RHOF: variants seen among roughly 807,000 people sequenced by gnomAD.
The protein encoded by RHOF is rho-related GTP-binding protein RhoF.
In RHOF, 21 loss-of-function variants were observed where a neutral mutation model predicts 22.2. That is an observed-to-expected ratio of 0.95 (90% CI 0.67 to 1.36). The LOEUF is 1.36. RHOF is among the 40% of genes most tolerant of loss of function. The pLI, the probability that RHOF is intolerant of heterozygous loss-of-function variation, is 0.00. For synonymous variants in RHOF, 135 were observed against 131.2 expected (o/e 1.03, Z -0.20); for missense variants, 285 against 293.7 (o/e 0.97, Z 0.22).
rs925980735 is a variant in RHOF, at chr12:121,793,168, G to A, written c.210C>T (p.Asn70=). The A allele has an allele frequency of 1.9e-6, 3 of 1,550,344 alleles. No individual in the cohort carries two copies. Among genetic ancestry groups the A allele is most frequent in the Non-Finnish European group, 1.7e-6 (2 of 1,146,812 alleles). ...CGCACTCACCGGCCGTGTCGTAGAG[G>A]TTCAGGGTCACCTCCTTGCTGCCAA... is the stretch of plus-strand genomic sequence containing the variant. ...VTVGSKEVTL[N]LYDTAGQEDY... is the part of the protein sequence containing the mutation. Residue 70 remains asparagine (N), a synonymous_variant, in exon 2 of 5, where the codon AAC becomes AAT. Coordinates refer to ENST00000267205, the MANE Select transcript of RHOF (RefSeq NM_019034.3).
intron 2 of RHOF, among the ~76,000 whole-genome samples, 158 bp downstream of exon 2, chr12:121,792,994 G>A (rs1592960472): frequency 6.6e-6 from 1 of 152,246 alleles, no homozygotes; most frequent in African/African-American, 2.4e-5. Flanking sequence ...GGCCTCTAGG[G>A]CCCCGCAGCC....
At chr12:121,792,126 C>T (rs1874781219) in intron 2 of RHOF, among the ~76,000 whole-genome samples, 1 of 133,050 alleles carries the variant, frequency 7.5e-6, no homozygotes, top group Non-Finnish European at 1.5e-5. Flanking sequence ...TAGGACAGCC[C>T]CTTTTCGGGT....
intron 2 of RHOF, among the ~76,000 whole-genome samples, chr12:121,783,169 C>CA (rs1874517688): frequency 6.6e-6 from 1 of 151,460 alleles, no homozygotes; most frequent in African/African-American, 2.4e-5. Flanking sequence ...ACACCATCCT[C>CA]ATCTAAGTCC....
chr12:121,790,239 A>G (rs1874729275), intron 2 of RHOF, among the ~76,000 whole-genome samples: 1 of 152,226 alleles, frequency 6.6e-6, no homozygotes, highest in Non-Finnish European at 1.5e-5. Flanking sequence ...GGAGAAATTC[A>G]GCCTCTGAGA....
intron 2 of RHOF, among the ~76,000 whole-genome samples, chr12:121,791,878 C>T (rs771485450): frequency 3.9e-5 from 6 of 152,300 alleles, no homozygotes; most frequent in Non-Finnish European, 7.3e-5. Context: ...AATGACCTTG[C>T]CCCTCCCTGG....
chr12:121,781,225 G>C, intron 2 of RHOF, 33 bp from the exon 3 acceptor site: 1 of 1,589,854 alleles, frequency 6.3e-7, no homozygotes, highest in Non-Finnish European at 8.6e-7. Flanking sequence ...GTCAGGGGAC[G>C]TCCCCTCCCT....
chr12:121,781,872 C>A (rs1311078893), intron 2 of RHOF: 2 of 151,622 alleles, frequency 1.3e-5, no homozygotes, highest in Admixed American at 1.3e-4. Flanking sequence ...ATTCACAGAG[C>A]ACACTCCCTG....
In RHOF at chr12:121,778,450, C is replaced by CAA. The variant is rs35474958; in HGVS notation, c.*1046_*1047dup. On this transcript the variant is annotated 3_prime_UTR_variant, in exon 5 of 5. Transcript: ENST00000267205. The stretch of plus-strand genomic sequence containing the variant: ...TGAGTGACAGAATGAGACTCTGTCC[C>CAA]AAAAAAAAAAAAAAAAAAAAATTCC... 0.22 allele frequency: 19,668 copies of CAA among 90,444 alleles called. 2,275 individuals carry two copies. The highest frequency in any genetic ancestry group is 0.41 in the African/African-American group (10,613 of 25,784). 5.6% of individuals were successfully genotyped at this position (90,444 alleles called of 1,614,324 possible).
intron 2 of RHOF, among the ~76,000 whole-genome samples, chr12:121,788,751 C>T (rs1205373148): frequency 1.3e-5 from 2 of 152,064 alleles, no homozygotes. Context: ...AAGGTGAAAG[C>T]CCAGGAGAAG....
intron 2 of RHOF, chr12:121,782,381 G>A (rs1055835005): frequency 6.6e-6 from 1 of 152,114 alleles, no homozygotes; most frequent in Non-Finnish European, 1.5e-5. Flanking sequence ...ACTGCACTTA[G>A]TCATCCTGCC....
At chr12:121,789,447 C>T (rs1874705506) in intron 2 of RHOF, among the ~76,000 whole-genome samples, 1 of 152,124 alleles carries the variant, frequency 6.6e-6, no homozygotes, top group Non-Finnish European at 1.5e-5. Flanking sequence ...GTCCTGCTTC[C>T]AGGGACAGGG....
intron 2 of RHOF, among the ~76,000 whole-genome samples, chr12:121,785,499 T>C (rs1455782876): frequency 6.7e-6 from 1 of 149,414 alleles, no homozygotes; most frequent in African/African-American, 2.5e-5. Flanking sequence ...CGATCTCAGC[T>C]CACTGTAAGC....
At position 121,778,862 on chromosome 12, in the gene RHOF, A is replaced by G. The variant is rs1874335274; in HGVS notation, c.*636T>C. ...GATGGGTGGTCCAGGGTATACTTTTAACAACTGAGAAGCCATTTTTTCTGC... is the reference window on the plus strand; with the variant it reads ...GATGGGTGGTCCAGGGTATACTTTTGACAACTGAGAAGCCATTTTTTCTGC... On this transcript the variant is annotated 3_prime_UTR_variant, in exon 5 of 5. Coordinates refer to ENST00000267205, the MANE Select transcript of RHOF (RefSeq NM_019034.3). The G allele has an allele frequency of 6.5e-6, 1 of 152,694 alleles. No homozygotes were observed. The highest frequency in any genetic ancestry group is 2.1e-4 in the South Asian group (1 of 4,842). The allele number at this position is 152,694 out of a possible 1,614,324, so 9.5% of individuals were successfully genotyped here.
Position 121,778,520 on chromosome 12 carries a change from G to A in RHOF, c.*978C>T, listed in dbSNP as rs1282829185. ...CTTCCCAAAGGAGGCTCAGGGATTAGGTATCTGGCTGTTGGTGACACAGGT... is the reference window on the plus strand; with the variant it reads ...CTTCCCAAAGGAGGCTCAGGGATTAAGTATCTGGCTGTTGGTGACACAGGT... On this transcript the variant is annotated 3_prime_UTR_variant, in exon 5 of 5. Coordinates refer to ENST00000267205, the MANE Select transcript of RHOF (RefSeq NM_019034.3). 6.6e-6 allele frequency: 1 copy of A among 151,982 alleles called. No homozygotes were observed. Among genetic ancestry groups the A allele is most frequent in the African/African-American group, 2.4e-5 (1 of 41,320 alleles). The allele number at this position is 151,982 out of a possible 1,614,324, so 9.4% of individuals were successfully genotyped here. A position where few individuals can be genotyped will look rare whatever the true frequency, so the allele number is the denominator to read the frequency against.
At chr12:121,788,931 G>A (rs1208160997) in intron 2 of RHOF, among the ~76,000 whole-genome samples, 2 of 152,156 alleles carry the variant, frequency 1.3e-5, no homozygotes, top group Admixed American at 6.5e-5. Context: ...AGAAGCTTCA[G>A]GGGCCTCCCA....
chr12:121,785,232 A>C (rs966200460), intron 2 of RHOF, among the ~76,000 whole-genome samples: 4 of 152,174 alleles, frequency 2.6e-5, no homozygotes, highest in Non-Finnish European at 4.4e-5. Flanking sequence ...GGTGGGATGC[A>C]GCAGGACAGC....
chr12:121,779,128 C>T lies in RHOF; in HGVS notation c.*370G>A, dbSNP rs1874346167. 4.8e-6 allele frequency: 1 copy of T among 207,438 alleles called. No individual in the cohort carries two copies. The highest frequency in any genetic ancestry group is 2.3e-5 in the African/African-American group (1 of 44,074). 12.8% of individuals were successfully genotyped at this position (207,438 alleles called of 1,614,324 possible). A position where few individuals can be genotyped will look rare whatever the true frequency, so the allele number is the denominator to read the frequency against. Reference sequence around the variant, plus strand: ...CACAGGAGTGGCAGGCTTGGGGCGCCCGCGTGGAACAGTGCCAGGTCTACG... The same window carrying T: ...CACAGGAGTGGCAGGCTTGGGGCGCTCGCGTGGAACAGTGCCAGGTCTACG... On this transcript the variant is annotated 3_prime_UTR_variant, in exon 5 of 5. Coordinates refer to ENST00000267205, the MANE Select transcript of RHOF (RefSeq NM_019034.3).
At position 121,781,197 on chromosome 12, in the gene RHOF, A is replaced by G; in HGVS notation, c.227-5T>C. The stretch of plus-strand genomic sequence containing the variant: ...GCCGGTCATAGTCTTCTTGCCCTGA[A>G]AGCACAGAGCAGCGGGGGTCAGGGG... On this transcript the variant is annotated splice_polypyrimidine_tract_variant and splice_region_variant and intron_variant, in intron 2 of 4. Transcript: ENST00000267205. 1 of 1,613,630 alleles carries G rather than the reference A, an allele frequency of 6.2e-7. No individual in the cohort carries two copies. The highest frequency in any genetic ancestry group is 8.5e-7 in the Non-Finnish European group (1 of 1,179,542).
chr12:121,789,539 C>T (rs547167563), intron 2 of RHOF, among the ~76,000 whole-genome samples: 3 of 152,298 alleles, frequency 2.0e-5, no homozygotes, highest in African/African-American at 7.2e-5. Context: ...ACCCCAGCTC[C>T]AGCTGCGGCG....
Sources: gnomAD v4.1 joint callset for allele counts (sites outside exome capture counted in the v4.1 genomes callset) on GRCh38, gnomAD v4.1.1 for gene constraint, MANE v1.5 for transcripts, NCBI Gene and HGNC (gene_info 2026-07-23, HGNC 2026-07-21) for gene names.